The following SGCZ variants were observed in gnomAD, a reference collection of about 807,000 sequenced individuals.
SGCZ encodes the protein zeta-sarcoglycan.
In SGCZ, 40 loss-of-function variants were observed where a neutral mutation model predicts 41.3. The observed-to-expected ratio is 0.97, with a 90% CI of 0.75 to 1.26. The LOEUF (loss-of-function observed/expected upper bound fraction) is 1.26. Among genes scored for constraint, SGCZ ranks in the 50% most tolerant of loss-of-function variants. The pLI is 0.00. For missense variants in SGCZ, 552 were observed against 369.8 expected (o/e 1.49, Z -4.04); for synonymous variants, 206 against 137.5 (o/e 1.50, Z -3.49).
At chr8:14,869,380 A>G (rs908438011) in intron 1 of SGCZ, among the ~76,000 whole-genome samples, 2 of 152,212 alleles carry the variant, frequency 1.3e-5, no homozygotes, top group African/African-American at 4.8e-5. Context: ...CTTCGATGAA[A>G]TTCAACACCG....
rs142590018 is a variant in SGCZ, at chr8:14,397,561, G to T, written c.235-73357C>A. Reference sequence around the variant, plus strand: ...GTACACAAAAGCCAGCAATATTATTGCATATAATACATGGTAAAGCAGTAT... The same window carrying T: ...GTACACAAAAGCCAGCAATATTATTTCATATAATACATGGTAAAGCAGTAT... On this transcript the variant is annotated intron_variant, in intron 2 of 7. Coordinates refer to ENST00000382080, the MANE Select transcript of SGCZ (RefSeq NM_139167.4). 5.3e-5 allele frequency among the ~76,000 whole-genome samples: 8 copies of T among 152,222 alleles called. No homozygotes were observed. The East Asian group carries it at 1.5e-3, about 29-fold the overall frequency.
Position 14,090,500 on chromosome 8 carries a change from A to T in SGCZ, c.882T>A (p.Ser294=). 6.2e-7 allele frequency: 1 copy of T among 1,613,060 alleles called. No individual in the cohort carries two copies. Residue 294 remains serine, a synonymous_variant, in exon 8 of 8, where the codon TCT becomes TCA. Transcript: ENST00000382080. ...CVCPNGKLYL[S]PAGVGSTCQS... The stretch of plus-strand genomic sequence containing the variant: ...GACAAGTGGAACCTACTCCTGCTGG[A>T]GAAAGGTAAAGTTTGCCATTGGGGC...
intron 2 of SGCZ, among the ~76,000 whole-genome samples, chr8:14,529,433 G>A (rs1417354429): frequency 6.6e-6 from 1 of 152,122 alleles, no homozygotes; most frequent in Non-Finnish European, 1.5e-5. Flanking sequence ...GTGCCACATT[G>A]TTTAGCATCT....
rs7830435 is a variant in SGCZ at position 14,646,700 on chromosome 8, C to A, written c.40-91774G>T. On this transcript the variant is annotated intron_variant, in intron 1 of 7. Transcript: ENST00000382080. The stretch of plus-strand genomic sequence containing the variant: ...ACAAGTATTTTGTCTAAAAGTTGGT[C>A]TTTGGAAAATACTAGTAGAAATATT... Among the ~76,000 whole-genome samples, 760 of 151,900 alleles carry A rather than the reference C, an allele frequency of 5.0e-3. 8 individuals are homozygous for A. Among genetic ancestry groups the A allele is most frequent in the African/African-American group, 0.016 (643 of 41,480 alleles).
intron 1 of SGCZ, among the ~76,000 whole-genome samples, chr8:14,859,619 T>C (rs1372814576): frequency 5.3e-5 from 8 of 152,132 alleles, no homozygotes; most frequent in Admixed American, 4.6e-4. Context: ...TCATCGCTAA[T>C]ATGCTCCAAA....
At chr8:14,750,662 T>C (rs1377998949) in intron 1 of SGCZ, among the ~76,000 whole-genome samples, 1 of 152,196 alleles carries the variant, frequency 6.6e-6, no homozygotes, top group Non-Finnish European at 1.5e-5. Flanking sequence ...AGAGACATTA[T>C]GATACAAAAT....
chr8:14,216,816 G>A (rs2117109237), intron 4 of SGCZ, among the ~76,000 whole-genome samples: 1 of 152,256 alleles, frequency 6.6e-6, no homozygotes, highest in African/African-American at 2.4e-5. Context: ...AGAAAAGCAT[G>A]TTATCTTGCA....
intron 2 of SGCZ, among the ~76,000 whole-genome samples, chr8:14,508,632 G>C (rs530674121): frequency 2.6e-5 from 4 of 152,102 alleles, no homozygotes; most frequent in Non-Finnish European, 5.9e-5. Context: ...TTCCCCATCG[G>C]TGGCATTCCA....
At chr8:14,349,477 G>C (rs184217706) in intron 2 of SGCZ, among the ~76,000 whole-genome samples, 2 of 130,408 alleles carry the variant, frequency 1.5e-5, no homozygotes, top group Admixed American at 1.5e-4. Flanking sequence ...ACTAATTCTT[G>C]CCATGGAATT....
intron 2 of SGCZ, among the ~76,000 whole-genome samples, chr8:14,479,727 ACTTCTTTT>A (rs1212952070): frequency 2.3e-4 from 25 of 109,368 alleles, no homozygotes; most frequent in South Asian, 3.0e-4. Flanking sequence ...CCAGAATTCT[ACTTCTTTT>A]TTTTTTTTTT....
At chr8:14,673,447 T>A (rs968809924) in intron 1 of SGCZ, among the ~76,000 whole-genome samples, 1 of 148,774 alleles carries the variant, frequency 6.7e-6, no homozygotes, top group African/African-American at 2.5e-5. Context: ...GCTCGCGCTG[T>A]CTCTCTCTCT....
intron 2 of SGCZ, among the ~76,000 whole-genome samples, chr8:14,425,939 A>C (rs1419411592): frequency 6.6e-6 from 1 of 152,200 alleles, no homozygotes; most frequent in Non-Finnish European, 1.5e-5. Flanking sequence ...GCAGCTAAAG[A>C]AGTCAAATGA....
intron 4 of SGCZ, among the ~76,000 whole-genome samples, chr8:14,193,046 C>G (rs538447551): frequency 6.6e-6 from 1 of 151,708 alleles, no homozygotes; most frequent in African/African-American, 2.4e-5. Context: ...GATACTTTTC[C>G]CAAAGATGTG....
intron 3 of SGCZ, among the ~76,000 whole-genome samples, chr8:14,318,160 A>T (rs1407465039): frequency 6.6e-6 from 1 of 151,302 alleles, no homozygotes; most frequent in Non-Finnish European, 1.5e-5. Context: ...TGGTTTTTCA[A>T]AAGAAAGAAA....
intron 1 of SGCZ, among the ~76,000 whole-genome samples, chr8:14,671,350 G>T (rs1170119844): frequency 6.6e-6 from 1 of 152,072 alleles, no homozygotes; most frequent in Non-Finnish European, 1.5e-5. Flanking sequence ...TTCTTATCAG[G>T]TGTTAAAACC....
chr8:14,701,071 G>C (rs1354690171), intron 1 of SGCZ, among the ~76,000 whole-genome samples: 1 of 151,978 alleles, frequency 6.6e-6, no homozygotes, highest in East Asian at 1.9e-4. Context: ...GTAGGAACTG[G>C]AGTGTTGCGG....
chr8:14,294,212 G>C (rs553279182), intron 3 of SGCZ, among the ~76,000 whole-genome samples: 1 of 151,952 alleles, frequency 6.6e-6, no homozygotes, highest in South Asian at 2.1e-4. Context: ...TAATGATAAT[G>C]TCATAATATC....
At chr8:14,450,810 G>A (rs1260626431) in intron 2 of SGCZ, among the ~76,000 whole-genome samples, 1 of 152,156 alleles carries the variant, frequency 6.6e-6, no homozygotes, top group Non-Finnish European at 1.5e-5. Flanking sequence ...ACACACTAAG[G>A]ACAGAATTAC....
intron 1 of SGCZ, among the ~76,000 whole-genome samples, chr8:15,157,059 A>G (rs1799353220): frequency 1.3e-5 from 2 of 152,306 alleles, no homozygotes; most frequent in South Asian, 2.1e-4. Flanking sequence ...AAACATGAAC[A>G]GTGAACCTCC....
Sources: allele counts gnomAD v4.1 joint callset (sites outside exome capture counted in the v4.1 genomes callset), GRCh38; gene constraint gnomAD v4.1.1; transcripts MANE v1.5; gene names NCBI Gene and HGNC (gene_info 2026-07-23, HGNC 2026-07-21).